Variants in BNC2 observed in about 807,000 individuals in gnomAD.
BNC2 encodes basonuclin zinc finger protein 2, also known as zinc finger protein basonuclin-2.
A neutral mutation model predicts 76.3 loss-of-function variants in BNC2; 20 were observed. The ratio of observed to expected loss-of-function variants is 0.26; its 90% CI spans 0.18 to 0.38. BNC2 has a LOEUF of 0.38. Among genes scored for constraint, BNC2 ranks in the 10% least tolerant of loss-of-function variants. The pLI is 1.00. For synonymous variants in BNC2, 582 were observed against 514.8 expected (o/e 1.13, Z -1.77); for missense variants, 1,382 against 1,399.8 (o/e 0.99, Z 0.20).
intron 3 of BNC2, among the ~76,000 whole-genome samples, chr9:16,631,156 C>T (rs992948436): frequency 6.6e-6 from 1 of 152,120 alleles, no homozygotes; most frequent in Non-Finnish European, 1.5e-5. Flanking sequence ...ACTTACTTAT[C>T]CTCTCCCCGA....
intron 1 of BNC2, among the ~76,000 whole-genome samples, 160 bp from the exon 2 acceptor site, chr9:16,738,645 C>T (rs574832043): frequency 2.6e-5 from 4 of 152,270 alleles, no homozygotes; most frequent in East Asian, 3.9e-4. Flanking sequence ...TAGTAGCCAA[C>T]AGCTAAATAA....
At chr9:16,638,827 C>T (rs1480519628) in intron 3 of BNC2, among the ~76,000 whole-genome samples, 2 of 152,106 alleles carry the variant, frequency 1.3e-5, no homozygotes, top group Non-Finnish European at 2.9e-5. Context: ...TTTCTAAACG[C>T]ACATAAATTG....
At chr9:16,449,817 T>G in intron 5 of BNC2, among the ~76,000 whole-genome samples, 1 of 97,228 alleles carries the variant, frequency 1.0e-5, no homozygotes, top group Admixed American at 1.8e-4. Flanking sequence ...TGAAAAGCAA[T>G]GGGAATAAAA....
At chr9:16,577,528 G>A (rs1159829664) in intron 4 of BNC2, among the ~76,000 whole-genome samples, 7 of 152,078 alleles carry the variant, frequency 4.6e-5, no homozygotes, top group Admixed American at 4.6e-4. Context: ...TCATGTATGA[G>A]ATAGGTTTAA....
intron 3 of BNC2, among the ~76,000 whole-genome samples, chr9:16,700,248 A>T (rs1263277827): frequency 6.6e-6 from 1 of 152,180 alleles, no homozygotes; most frequent in Non-Finnish European, 1.5e-5. Context: ...TATACCCTGA[A>T]AATTAACATT....
chr9:16,842,827 C>T (rs1303675840), intron 1 of BNC2, among the ~76,000 whole-genome samples: 2 of 152,110 alleles, frequency 1.3e-5, no homozygotes, highest in African/African-American at 4.8e-5. Context: ...TCTCGGCTCA[C>T]TGCAATCTCT....
intron 2 of BNC2, among the ~76,000 whole-genome samples, chr9:16,735,888 T>C (rs1824652895): frequency 6.6e-6 from 1 of 152,108 alleles, no homozygotes; most frequent in South Asian, 2.1e-4. Flanking sequence ...GTCATAATAA[T>C]GGTTTAAATT....
At chr9:16,614,911 G>C (rs1054244041) in intron 3 of BNC2, among the ~76,000 whole-genome samples, 2 of 139,402 alleles carry the variant, frequency 1.4e-5, no homozygotes, top group Non-Finnish European at 3.1e-5. Flanking sequence ...AGCTGTCATC[G>C]GGCCACTGTA....
At chr9:16,492,500 A>G (rs1202490102) in intron 5 of BNC2, among the ~76,000 whole-genome samples, 1 of 152,324 alleles carries the variant, frequency 6.6e-6, no homozygotes, top group Middle Eastern at 3.4e-3. Flanking sequence ...GGTTGTGAAA[A>G]CAGGAGGAAT....
chr9:16,620,051 C>T (rs1231394925), intron 3 of BNC2, among the ~76,000 whole-genome samples: 1 of 152,132 alleles, frequency 6.6e-6, no homozygotes, highest in Non-Finnish European at 1.5e-5. Flanking sequence ...AACAAAAACC[C>T]CCACTTTGTA....
rs563866049 is a variant in BNC2 at position 16,458,799 on chromosome 9, C to G, written c.670-21275G>C. On this transcript the variant is annotated intron_variant, in intron 5 of 6. Transcript: ENST00000380672. ...CACTATGTGCCGGGCACCAAGGGAA[C>G]AAGCACTTCATATGCATTTACCTCA... Among the ~76,000 whole-genome samples, 388 of 152,326 alleles carry G rather than the reference C, an allele frequency of 2.5e-3. 2 individuals carry two copies. The highest frequency in any genetic ancestry group is 9.0e-3 in the African/African-American group (374 of 41,564).
intron 5 of BNC2, among the ~76,000 whole-genome samples, chr9:16,463,193 T>G: frequency 6.6e-6 from 1 of 152,032 alleles, no homozygotes; most frequent in East Asian, 1.9e-4. Context: ...TTCAGGAGAT[T>G]GAATGAGAGT....
chr9:16,612,897 A>T (rs776898417), intron 3 of BNC2, among the ~76,000 whole-genome samples: 9 of 152,156 alleles, frequency 5.9e-5, no homozygotes, highest in Non-Finnish European at 1.0e-4. Context: ...GCACCCACAC[A>T]TATCTCCTAG....
intron 1 of BNC2, among the ~76,000 whole-genome samples, chr9:16,788,552 C>CAAAAAA (rs397960619): frequency 1.2e-5 from 1 of 80,474 alleles, no homozygotes; most frequent in African/African-American, 4.5e-5. Context: ...CACTCCTTCT[C>CAAAAAA]AAAAAAAAAA....
chr9:16,858,762 C>T, intron 1 of BNC2, among the ~76,000 whole-genome samples: 1 of 151,672 alleles, frequency 6.6e-6, no homozygotes, highest in East Asian at 1.9e-4. Flanking sequence ...AGGAGAATGG[C>T]GTGAACCCGG....
intron 3 of BNC2, among the ~76,000 whole-genome samples, chr9:16,603,744 C>T (rs537030459): frequency 6.6e-6 from 1 of 152,246 alleles, no homozygotes; most frequent in Non-Finnish European, 1.5e-5. Context: ...ATCAACATCC[C>T]AAACCTGCTG....
chr9:16,865,029 T>C (rs981305415), intron 1 of BNC2, among the ~76,000 whole-genome samples: 1 of 66,696 alleles, frequency 1.5e-5, no homozygotes, highest in Non-Finnish European at 3.4e-5. Flanking sequence ...CGTCTGGCTT[T>C]GGACTGAAAA....
At chr9:16,646,373 T>C (rs1032322683) in intron 3 of BNC2, among the ~76,000 whole-genome samples, 2 of 152,214 alleles carry the variant, frequency 1.3e-5, no homozygotes, top group Admixed American at 1.3e-4. Flanking sequence ...AAAATATGTC[T>C]AAATATTCAT....
chr9:16,494,957 T>C (rs1011258491), intron 5 of BNC2, among the ~76,000 whole-genome samples: 5 of 152,184 alleles, frequency 3.3e-5, no homozygotes, highest in African/African-American at 1.2e-4. Flanking sequence ...TGTGCACGTG[T>C]ACCCTAGAAC....
Sources: allele counts gnomAD v4.1 joint callset (sites outside exome capture counted in the v4.1 genomes callset), GRCh38; gene constraint gnomAD v4.1.1; transcripts MANE v1.5; gene names NCBI Gene and HGNC (gene_info 2026-07-23, HGNC 2026-07-21).